The following TNRC18 variants were observed in gnomAD, a reference collection of about 807,000 sequenced individuals.
The protein encoded by TNRC18 is trinucleotide repeat containing 18.
Under a neutral mutation model 226.7 loss-of-function variants are expected in TNRC18, and 69 were observed. The observed-to-expected ratio is 0.30, with a 90% CI of 0.25 to 0.37. The LOEUF is 0.37. Among genes scored for constraint, TNRC18 ranks in the 10% least tolerant of loss-of-function variants. The probability of loss-of-function intolerance (pLI) is 1.00; values close to 1 mark genes in which losing one functional copy is unlikely to be tolerated. For missense variants in TNRC18, 4,754 were observed against 4,256.6 expected, an observed-to-expected ratio of 1.12 and a Z score of -3.25; for synonymous variants, 2,449 against 1,927.6, an observed-to-expected ratio of 1.27 and a Z score of -7.09.
chr7:5,404,615 G>C (rs1316475842), intron 2 of TNRC18, among the ~76,000 whole-genome samples: 1 of 152,080 alleles, frequency 6.6e-6, no homozygotes, highest in South Asian at 2.1e-4. Flanking sequence ...AAGGCTTACC[G>C]AGGACTGCAG....
chr7:5,382,190 A>C (rs1779442503), intron 5 of TNRC18, among the ~76,000 whole-genome samples: 1 of 152,150 alleles, frequency 6.6e-6, no homozygotes, highest in East Asian at 1.9e-4. Context: ...CACAAGACTA[A>C]CATGGAGGCG....
At chr7:5,355,569 G>C (rs1252927539) in intron 16 of TNRC18, among the ~76,000 whole-genome samples, 1 of 152,184 alleles carries the variant, frequency 6.6e-6, no homozygotes, top group African/African-American at 2.4e-5. Flanking sequence ...CTGGAAAACA[G>C]GGAGACCCCA....
chr7:5,348,386 C>A (rs926039504), intron 17 of TNRC18, among the ~76,000 whole-genome samples: 2 of 152,188 alleles, frequency 1.3e-5, no homozygotes, highest in Non-Finnish European at 2.9e-5. Flanking sequence ...GGACACCAGA[C>A]CCTTTCTCTC....
At chr7:5,339,683 T>C (rs1019997984) in intron 18 of TNRC18, among the ~76,000 whole-genome samples, 8 of 151,738 alleles carry the variant, frequency 5.3e-5, no homozygotes, top group African/African-American at 9.7e-5. Flanking sequence ...GATTCTCCTG[T>C]CTCAGCCTCC....
At chr7:5,396,548 T>C (rs1780704547) in intron 2 of TNRC18, among the ~76,000 whole-genome samples, 1 of 151,918 alleles carries the variant, frequency 6.6e-6, no homozygotes, top group Non-Finnish European at 1.5e-5. Flanking sequence ...ATAATAACAA[T>C]AACCAGCCAT....
At chr7:5,404,491 T>A (rs944242851) in intron 2 of TNRC18, among the ~76,000 whole-genome samples, 25 of 152,332 alleles carry the variant, frequency 1.6e-4, no homozygotes, top group African/African-American at 6.0e-4. Context: ...TCATTTTCAT[T>A]CCATCAAATC....
intron 24 of TNRC18, 49 bp from the exon 25 acceptor site, chr7:5,316,121 C>T: frequency 6.8e-7 from 1 of 1,461,910 alleles, no homozygotes; most frequent in Non-Finnish European, 9.5e-7. Flanking sequence ...CTCCAGCTCC[C>T]TAGTGACGCA....
rs1252047554 is a variant in TNRC18 at position 5,423,470 on chromosome 7, T to C, written c.-273A>G. On this transcript the variant is annotated 5_prime_UTR_variant, in exon 1 of 30. Coordinates refer to ENST00000430969, the MANE Select transcript of TNRC18 (RefSeq NM_001080495.3). ...CGCGGCTGGGTTCACGGCTCCAGGC[T>C]CCGGCGACAACGACTCCGGCGGCGG... is the stretch of plus-strand genomic sequence containing the variant. 6.6e-6 allele frequency: 1 copy of C among 152,078 alleles called. No homozygotes were observed. Among genetic ancestry groups the C allele is most frequent in the East Asian group, 1.9e-4 (1 of 5,176 alleles). 9.4% of individuals were successfully genotyped at this position (152,078 alleles called of 1,614,324 possible). A position where few individuals can be genotyped will look rare whatever the true frequency, so the allele number is the denominator to read the frequency against.
Position 5,320,220 on chromosome 7 carries a change from C to G in TNRC18, c.6745+98G>C, listed in dbSNP as rs1216098406. On this transcript the variant is annotated intron_variant, in intron 24 of 29. Transcript: ENST00000430969. ...TTTTCAGTTATGTGAGCCCACAAGTCTTTATTCTTAAGCCAGTTAGAGTTG... is the reference window on the plus strand; with the variant it reads ...TTTTCAGTTATGTGAGCCCACAAGTGTTTATTCTTAAGCCAGTTAGAGTTG... The G allele has an allele frequency of 7.5e-6, 7 of 933,330 alleles. No individual in the cohort carries two copies. In the Admixed American group the frequency reaches 1.3e-4, roughly 17 times the overall value. The allele number at this position is 933,330 out of a possible 1,614,324, so 57.8% of individuals were successfully genotyped here.
intron 11 of TNRC18, among the ~76,000 whole-genome samples, chr7:5,364,907 T>A (rs1213736480): frequency 6.6e-6 from 1 of 151,638 alleles, no homozygotes; most frequent in Non-Finnish European, 1.5e-5. Flanking sequence ...AGCAAACATC[T>A]ACCTCCTCAT....
At chr7:5,319,879 C>T (rs527463213) in intron 24 of TNRC18, among the ~76,000 whole-genome samples, 4 of 152,244 alleles carry the variant, frequency 2.6e-5, no homozygotes, top group African/African-American at 4.8e-5. Flanking sequence ...TCTCAGCCCA[C>T]GAATAAAAGG....
intron 11 of TNRC18, 59 bp from the exon 12 acceptor site, chr7:5,362,884 G>T: frequency 7.0e-7 from 1 of 1,435,510 alleles, no homozygotes; most frequent in Non-Finnish European, 9.1e-7. Flanking sequence ...ACCCCAAACG[G>T]GGATGCCGAG....
At position 5,388,782 on chromosome 7, in the gene TNRC18, G is replaced by A; in HGVS notation, c.1042C>T (p.Pro348Ser). ...ACGCCGGCGGGGGTGGCCGCGGGGG[G>A]TGCAGGAGGCCCCTTGGGGGGCGCG... ...PPAPPKGPPA[P>S]PAATPAGVYT... Residue 348 changes from proline (P) to serine (S), a missense_variant, in exon 5 of 30, where the codon CCC becomes TCC. Physicochemically the swap from Pro to Ser is moderately conservative, Grantham distance 74. Coordinates refer to ENST00000430969, the MANE Select transcript of TNRC18 (RefSeq NM_001080495.3). 5 of 1,217,856 alleles carry A rather than the reference G, an allele frequency of 4.1e-6. No individual in the cohort carries two copies. In the South Asian group the frequency reaches 8.1e-5, roughly 20 times the overall value. The allele number at this position is 1,217,856 out of a possible 1,614,324, so 75.4% of individuals were successfully genotyped here.
At chr7:5,364,071 G>A (rs1013657427) in intron 11 of TNRC18, among the ~76,000 whole-genome samples, 6 of 152,188 alleles carry the variant, frequency 3.9e-5, no homozygotes, top group African/African-American at 1.4e-4. Context: ...GCCAAGGCAG[G>A]TGGATAATTT....
intron 22 of TNRC18, 52 bp from the exon 23 acceptor site, chr7:5,320,659 G>T: frequency 6.5e-7 from 1 of 1,527,610 alleles, no homozygotes; most frequent in Non-Finnish European, 9.0e-7. Context: ...CTCCCCAGAG[G>T]GCCTCAATCC....
intron 4 of TNRC18, chr7:5,390,275 G>A (rs1780188233): frequency 3.5e-6 from 2 of 570,556 alleles, no homozygotes; most frequent in East Asian, 3.0e-5. Context: ...TGAGTCAGGT[G>A]CATCATTTGG....
At chr7:5,409,163 AAAG>A (rs57186494) in intron 2 of TNRC18, among the ~76,000 whole-genome samples, 81,108 of 151,650 alleles carry the variant, frequency 0.53, 23,648 homozygotes, top group East Asian at 0.82. Context: ...GCTTTTTCTT[AAAG>A]AAGGGGCACC....
chr7:5,414,394 G>A (rs1298619088), intron 2 of TNRC18, among the ~76,000 whole-genome samples: 5 of 151,034 alleles, frequency 3.3e-5, no homozygotes, highest in African/African-American at 1.2e-4. Context: ...TCCCTTGCCC[G>A]TAAACATTTC....
intron 18 of TNRC18, among the ~76,000 whole-genome samples, chr7:5,339,742 G>C (rs376187768): frequency 1.3e-5 from 2 of 150,424 alleles, no homozygotes; most frequent in Non-Finnish European, 3.0e-5. Flanking sequence ...GATAATTTTT[G>C]TATTTTTAGT....
Sources: allele counts gnomAD v4.1 joint callset (sites outside exome capture counted in the v4.1 genomes callset), GRCh38; gene constraint gnomAD v4.1.1; transcripts MANE v1.5; gene names NCBI Gene and HGNC (gene_info 2026-07-23, HGNC 2026-07-21).